The following C4orf50 variants were observed in gnomAD, a reference collection of about 807,000 sequenced individuals.
C4orf50 encodes the protein uncharacterized protein C4orf50.
A neutral mutation model predicts 77.2 loss-of-function variants in C4orf50; 80 were observed. That is an observed-to-expected ratio of 1.04 (90% CI 0.87 to 1.25). C4orf50 has a LOEUF of 1.25. C4orf50 is among the 50% of genes most tolerant of loss of function. The pLI is 0.00. For missense variants in C4orf50, 1,257 were observed against 1,152.9 expected (o/e 1.09, Z -1.31); for synonymous variants, 532 against 465.3 (o/e 1.14, Z -1.84).
chr4:5,917,114 C>T (rs376523699), intron 7 of C4orf50, among the ~76,000 whole-genome samples: 3 of 152,166 alleles, frequency 2.0e-5, no homozygotes, highest in Non-Finnish European at 4.4e-5. Flanking sequence ...ATATAATTCT[C>T]AATTTGTATG....
Position 6,003,919 on chromosome 4 carries a change from G to GTGGTGATGGTGATGA in C4orf50, c.963+4062_963+4076dup, listed in dbSNP as rs199638680. ...TGATGTGATGGTGATGTTGATGATG[G>GTGGTGATGGTGATGA]TGGTGATGGTGATGATGGTGATGGT... On this transcript the variant is annotated intron_variant, in intron 25 of 33. Coordinates refer to ENST00000531445, the Ensembl canonical transcript of C4orf50. Among the ~76,000 whole-genome samples, 4 of 32,354 alleles carry GTGGTGATGGTGATGA rather than the reference G, an allele frequency of 1.2e-4. 1 individual carries two copies. Among genetic ancestry groups the GTGGTGATGGTGATGA allele is most frequent in the African/African-American group, 2.3e-4 (2 of 8,830 alleles). 21.2% of individuals were successfully genotyped at this position (32,354 alleles called of 152,430 possible).
At chr4:6,004,006 T>C (rs1722018822) in intron 25 of C4orf50, among the ~76,000 whole-genome samples, 1 of 144,930 alleles carries the variant, frequency 6.9e-6, no homozygotes, top group Non-Finnish European at 1.5e-5. Flanking sequence ...ATGGTGATGG[T>C]GATGATGTGA....
intron 28 of C4orf50, among the ~76,000 whole-genome samples, chr4:5,987,394 G>A (rs1438169570): frequency 1.1e-5 from 1 of 94,900 alleles, no homozygotes; most frequent in African/African-American, 4.1e-5. Context: ...CTGGGTGACA[G>A]AGCGAGACTC....
chr4:5,912,942 G>T (rs1255499564), intron 7 of C4orf50, among the ~76,000 whole-genome samples: 1 of 152,242 alleles, frequency 6.6e-6, no homozygotes, highest in Non-Finnish European at 1.5e-5. Flanking sequence ...CTGGAAACCT[G>T]CCAGGCTGTA....
chr4:6,015,543 C>A lies in C4orf50; in HGVS notation c.287+2602G>T, dbSNP rs1224252853. The stretch of plus-strand genomic sequence containing the variant: ...GAAAAAAAAAGATTCCCAGCCAGGG[C>A]CACTGTCTATGTGGAGTTTGCCCAT... On this transcript the variant is annotated intron_variant, in intron 23 of 33. Transcript: ENST00000531445. The surrounding 1 kb of genome is among the most constrained non-coding windows in gnomAD (Gnocchi z 4.4). Among the ~76,000 whole-genome samples the A allele has an allele frequency of 6.6e-6, 1 of 151,934 alleles. No homozygotes were observed. The highest frequency in any genetic ancestry group is 1.5e-5 in the Non-Finnish European group (1 of 67,982).
At chr4:5,961,201 G>A (rs534095873) in intron 33 of C4orf50, among the ~76,000 whole-genome samples, 3 of 152,314 alleles carry the variant, frequency 2.0e-5, no homozygotes, top group African/African-American at 7.2e-5. Flanking sequence ...TGTAATCTCA[G>A]CTACTCAAAA....
At chr4:5,989,213 T>C (rs1221906200) in exon 28 of C4orf50, 1 of 1,536,034 alleles carries the variant, frequency 6.5e-7, no homozygotes, top group Non-Finnish European at 8.7e-7. Flanking sequence ...TGAAGTTTGG[T>C]GTTGTCATGT....
At chr4:5,969,303 T>C (rs1033169868) in intron 31 of C4orf50, among the ~76,000 whole-genome samples, 12 of 151,756 alleles carry the variant, frequency 7.9e-5, no homozygotes, top group South Asian at 4.2e-4. Context: ...GCTTAGGGAT[T>C]GCTGATTTAA....
At chr4:5,971,285 C>G (rs1271370752) in intron 31 of C4orf50, among the ~76,000 whole-genome samples, 1 of 152,210 alleles carries the variant, frequency 6.6e-6, no homozygotes, top group African/African-American at 2.4e-5. Flanking sequence ...GCACTGGACC[C>G]GCTTCCTGCC....
intron 28 of C4orf50, among the ~76,000 whole-genome samples, chr4:5,982,030 A>C (rs59067157): frequency 0.031 from 4,653 of 152,228 alleles, 177 homozygotes; most frequent in African/African-American, 0.092. Context: ...TCTCATAATA[A>C]AATATACAAT....
intron 7 of C4orf50, among the ~76,000 whole-genome samples, chr4:5,909,136 G>A (rs183508092): frequency 6.6e-6 from 1 of 152,288 alleles, no homozygotes; most frequent in South Asian, 2.1e-4. Flanking sequence ...GCCTAACTTA[G>A]CAAGACTTAC....
intron 28 of C4orf50, among the ~76,000 whole-genome samples, chr4:5,987,281 T>A (rs1720917208): frequency 6.6e-6 from 1 of 151,486 alleles, no homozygotes; most frequent in Admixed American, 6.6e-5. Context: ...CATGGCGGCA[T>A]GTGCCTGTGG....
At position 6,017,957 on chromosome 4, in the gene C4orf50, C is replaced by T. The variant is rs1483567537; in HGVS notation, c.287+188G>A. 1.3e-5 allele frequency among the ~76,000 whole-genome samples: 2 copies of T among 152,210 alleles called. No homozygotes were observed. Among genetic ancestry groups the T allele is most frequent in the Non-Finnish European group, 2.9e-5 (2 of 68,038 alleles). ...AGCAGAGGAGCCCGGGCAGCCTCATCTGCAGGTACAGAGCAGAAGAAGGAG... is the reference window on the plus strand; with the variant it reads ...AGCAGAGGAGCCCGGGCAGCCTCATTTGCAGGTACAGAGCAGAAGAAGGAG... On this transcript the variant is annotated intron_variant, in intron 23 of 33. Transcript: ENST00000531445. The surrounding 1 kb of genome is among the most constrained non-coding windows in gnomAD (Gnocchi z 4.7).
At chr4:5,949,538 G>C (rs1334623131) in intron 7 of C4orf50, among the ~76,000 whole-genome samples, 1 of 152,234 alleles carries the variant, frequency 6.6e-6, no homozygotes, top group Non-Finnish European at 1.5e-5. Flanking sequence ...TCAGGAGCTG[G>C]GGGAGATGAG....
At chr4:5,912,062 A>C (rs1313144064) in intron 7 of C4orf50, among the ~76,000 whole-genome samples, 1 of 108,234 alleles carries the variant, frequency 9.2e-6, no homozygotes, top group African/African-American at 3.8e-5. Context: ...CAAAAAAACA[A>C]AAAACAAAAA....
intron 7 of C4orf50, among the ~76,000 whole-genome samples, chr4:5,936,948 G>A (rs912520517): frequency 8.6e-5 from 13 of 151,762 alleles, no homozygotes; most frequent in African/African-American, 3.1e-4. Context: ...AGAAGACAGT[G>A]GAATAGCATT....
chr4:5,927,644 TCTC>T (rs778271259), intron 7 of C4orf50, among the ~76,000 whole-genome samples: 2 of 149,820 alleles, frequency 1.3e-5, no homozygotes, highest in Non-Finnish European at 2.9e-5. Flanking sequence ...TCTCTCTCTG[TCTC>T]TCTTTCTCTC....
At chr4:5,980,327 T>A (rs374353964) in exon 29 of C4orf50, 1 of 1,610,472 alleles carries the variant, frequency 6.2e-7, no homozygotes, top group Non-Finnish European at 8.5e-7. Context: ...CCTCGGCCTC[T>A]GAGTCCCGGA....
rs1201912214 is a variant in C4orf50 at position 6,015,522 on chromosome 4, A to AG, written c.287+2622_287+2623insC. On this transcript the variant is annotated intron_variant, in intron 23 of 33. Coordinates refer to ENST00000531445, the Ensembl canonical transcript of C4orf50. This position sits in a 1 kb window ranked among gnomAD's most constrained non-coding sequence, Gnocchi z 4.4. ...ATTTCATTATAATGTTGATGAGAAA[A>AG]AAAAAGATTCCCAGCCAGGGCCACT... Among the ~76,000 whole-genome samples the AG allele has an allele frequency of 6.7e-6, 1 of 150,374 alleles. No individual in the cohort carries two copies. Among genetic ancestry groups the AG allele is most frequent in the East Asian group, 2.0e-4 (1 of 5,106 alleles).
Sources: allele counts gnomAD v4.1 joint callset (sites outside exome capture counted in the v4.1 genomes callset), GRCh38; gene constraint gnomAD v4.1.1; non-coding constraint Gnocchi (gnomAD v3.1); transcripts MANE v1.5; gene names NCBI Gene and HGNC (gene_info 2026-07-23, HGNC 2026-07-21).